The following MED12L variants were observed in gnomAD, a reference collection of about 807,000 sequenced individuals.
The protein encoded by MED12L is mediator of RNA polymerase II transcription subunit 12-like protein.
Under a neutral mutation model 281.3 loss-of-function variants are expected in MED12L, and 60 were observed. The observed-to-expected ratio is 0.21, with a 90% CI of 0.17 to 0.26. The LOEUF is 0.26. Among genes scored for constraint, MED12L ranks in the 10% least tolerant of loss-of-function variants. The probability of loss-of-function intolerance (pLI) is 1.00; values close to 1 mark genes in which losing one functional copy is unlikely to be tolerated. For missense variants in MED12L, 2,146 were observed against 2,680.9 expected (o/e 0.80, Z 4.41); for synonymous variants, 974 against 987.2 (o/e 0.99, Z 0.25).
chr3:151,338,963 GGTTT>G, intron 16 of MED12L: 1 of 975,376 alleles, frequency 1.0e-6, no homozygotes, highest in Non-Finnish European at 1.6e-6. Flanking sequence ...TAAAAGTTGA[GGTTT>G]CTCATCTTCA....
chr3:151,142,094 G>A (rs1012709352), intron 5 of MED12L, among the ~76,000 whole-genome samples: 3 of 152,276 alleles, frequency 2.0e-5, no homozygotes, highest in South Asian at 2.1e-4. Flanking sequence ...GGCTGGTTTC[G>A]TAGCTTCTCA....
intron 16 of MED12L, among the ~76,000 whole-genome samples, chr3:151,292,636 G>A (rs1278362162): frequency 6.6e-6 from 1 of 151,902 alleles, no homozygotes; most frequent in Non-Finnish European, 1.5e-5. Flanking sequence ...GCAATGGCAC[G>A]ATCTCGGCTC....
chr3:151,230,218 C>T (rs1030985956), intron 16 of MED12L, among the ~76,000 whole-genome samples: 9 of 152,208 alleles, frequency 5.9e-5, no homozygotes, highest in African/African-American at 2.2e-4. Flanking sequence ...TTGTGATCCG[C>T]AAGTCTCGGC....
intron 16 of MED12L, among the ~76,000 whole-genome samples, chr3:151,249,572 C>T (rs1736437245): frequency 6.6e-6 from 1 of 152,088 alleles, no homozygotes. Context: ...GGGATTTGCT[C>T]CTCTAGACTT....
At chr3:151,232,838 A>C (rs1731971303) in intron 16 of MED12L, among the ~76,000 whole-genome samples, 1 of 152,118 alleles carries the variant, frequency 6.6e-6, no homozygotes, top group African/African-American at 2.4e-5. Context: ...TGGGTACTAG[A>C]CTTAGTACCT....
chr3:151,129,743 G>A (rs1220099725), intron 5 of MED12L, among the ~76,000 whole-genome samples: 1 of 149,298 alleles, frequency 6.7e-6, no homozygotes, highest in African/African-American at 2.6e-5. Context: ...GTGTGTGTGT[G>A]TGTGTGTATC....
intron 5 of MED12L, 63 bp downstream of exon 5, chr3:151,128,047 G>C: frequency 1.4e-6 from 2 of 1,438,168 alleles, no homozygotes; most frequent in Non-Finnish European, 9.7e-7. Context: ...ATTGTTGCCT[G>C]TACCCTCTGG....
At position 151,434,708 on chromosome 3, in the gene MED12L, T is replaced by C. The variant is rs569127452; in HGVS notation, c.*1904T>C. On this transcript the variant is annotated 3_prime_UTR_variant, in exon 45 of 45. Transcript: ENST00000687756. ...TAGTGAGTGAGTCATGTTCCATCAT[T>C]ATTTCTTTCCAAATTTCTTTGCCAG... 3.3e-5 allele frequency: 5 copies of C among 152,374 alleles called. No individual in the cohort carries two copies. The highest frequency in any genetic ancestry group is 1.2e-4 in the African/African-American group (5 of 41,590). 9.4% of individuals were successfully genotyped at this position (152,374 alleles called of 1,614,324 possible).
intron 2 of MED12L, among the ~76,000 whole-genome samples, chr3:151,102,775 G>A (rs1056587529): frequency 1.3e-5 from 2 of 152,108 alleles, no homozygotes; most frequent in Non-Finnish European, 2.9e-5. Flanking sequence ...ACCCAGCCTT[G>A]TTATTTTTCA....
chr3:151,349,539 C>T (rs151221512), intron 16 of MED12L, among the ~76,000 whole-genome samples: 166 of 152,262 alleles, frequency 1.1e-3, no homozygotes, highest in African/African-American at 3.6e-3. Flanking sequence ...CCACCTTGGC[C>T]TCCCAAAGCA....
chr3:151,344,779 C>T (rs1441090002), intron 16 of MED12L, among the ~76,000 whole-genome samples: 2 of 152,180 alleles, frequency 1.3e-5, no homozygotes, highest in Non-Finnish European at 2.9e-5. Flanking sequence ...TTCATTTTTC[C>T]TTAAGGACAT....
intron 5 of MED12L, among the ~76,000 whole-genome samples, chr3:151,152,308 C>T (rs1576838073): frequency 1.3e-5 from 2 of 151,762 alleles, no homozygotes; most frequent in Admixed American, 1.3e-4. Flanking sequence ...CACAGTGTTG[C>T]CCAGGCTGGC....
At chr3:151,371,271 T>C (rs903560317) in intron 26 of MED12L, among the ~76,000 whole-genome samples, 2 of 152,156 alleles carry the variant, frequency 1.3e-5, no homozygotes, top group Non-Finnish European at 2.9e-5. Flanking sequence ...GACCATTATA[T>C]CAAATTTGGT....
At chr3:151,293,847 C>T (rs1258917961) in intron 16 of MED12L, among the ~76,000 whole-genome samples, 2 of 152,158 alleles carry the variant, frequency 1.3e-5, no homozygotes, top group East Asian at 3.9e-4. Flanking sequence ...CTTTTCTATA[C>T]TTTTTGTTCT....
At chr3:151,089,363 A>G (rs532475910) in intron 2 of MED12L, among the ~76,000 whole-genome samples, 1 of 152,220 alleles carries the variant, frequency 6.6e-6, no homozygotes, top group South Asian at 2.1e-4. Flanking sequence ...CTGTGGTGGA[A>G]AATGCTGATT....
chr3:151,420,378 C>T (rs1283891449), intron 43 of MED12L, among the ~76,000 whole-genome samples: 1 of 152,040 alleles, frequency 6.6e-6, no homozygotes, highest in East Asian at 1.9e-4. Context: ...TCATTGTATT[C>T]CTAGTGGCAG....
In MED12L at chr3:151,376,012, C is replaced by A; in HGVS notation, c.3865-14C>A. On this transcript the variant is annotated splice_polypyrimidine_tract_variant and intron_variant, in intron 27 of 44. Transcript: ENST00000687756. ...AGCCAGTGCCTGTCAATCTAATTGC[C>A]ATATTATTTTTAGGAATGGGTAGGA... The A allele has an allele frequency of 6.7e-7, 1 of 1,494,510 alleles. No individual in the cohort carries two copies. Among genetic ancestry groups the A allele is most frequent in the Non-Finnish European group, 9.0e-7 (1 of 1,114,644 alleles). 92.6% of individuals were successfully genotyped at this position (1,494,510 alleles called of 1,614,324 possible). A position where few individuals can be genotyped will look rare whatever the true frequency, so the allele number is the denominator to read the frequency against.
chr3:151,361,776 C>T (rs1754638031), intron 21 of MED12L, among the ~76,000 whole-genome samples: 2 of 152,096 alleles, frequency 1.3e-5, no homozygotes, highest in Admixed American at 1.3e-4. Context: ...TATTTGCATG[C>T]TGACTTCTTC....
intron 11 of MED12L, among the ~76,000 whole-genome samples, chr3:151,169,625 T>C (rs1576879816): frequency 6.6e-6 from 1 of 152,224 alleles, no homozygotes; most frequent in East Asian, 1.9e-4. Context: ...TAAGGCACTA[T>C]ACAAATATGT....
Sources: gnomAD v4.1 joint callset for allele counts (sites outside exome capture counted in the v4.1 genomes callset) on GRCh38, gnomAD v4.1.1 for gene constraint, MANE v1.5 for transcripts, NCBI Gene and HGNC (gene_info 2026-07-23, HGNC 2026-07-21) for gene names.